Variants in NTNG1 observed in about 807,000 individuals in gnomAD.
The protein encoded by NTNG1 is netrin G1.
Under a neutral mutation model 54.0 loss-of-function variants are expected in NTNG1, and 16 were observed. That is an observed-to-expected ratio of 0.30 (90% CI 0.20 to 0.45). The LOEUF is 0.45. Ranked by LOEUF, NTNG1 falls within the 20% of genes least tolerant of loss-of-function variation. The probability of loss-of-function intolerance (pLI) is 1.00; values close to 1 mark genes in which losing one functional copy is unlikely to be tolerated. For missense variants in NTNG1, 530 were observed against 678.7 expected (o/e 0.78, Z 2.43); for synonymous variants, 255 against 263.1 (o/e 0.97, Z 0.30).
chr1:107,464,927 C>T (rs1571020359), intron 7 of NTNG1, among the ~76,000 whole-genome samples: 1 of 152,170 alleles, frequency 6.6e-6, no homozygotes, highest in Non-Finnish European at 1.5e-5. Flanking sequence ...ATGGGCCCCA[C>T]GTCTCTCCAT....
chr1:107,195,739 A>T (rs1163774701), intron 2 of NTNG1, among the ~76,000 whole-genome samples: 1 of 151,896 alleles, frequency 6.6e-6, no homozygotes, highest in Non-Finnish European at 1.5e-5. Context: ...AGGCCCTTGC[A>T]CTTGCTGATT....
At chr1:107,468,509 G>A (rs1677746899) in intron 7 of NTNG1, among the ~76,000 whole-genome samples, 1 of 152,118 alleles carries the variant, frequency 6.6e-6, no homozygotes, top group Non-Finnish European at 1.5e-5. Flanking sequence ...AGCACTGTAT[G>A]GGGTTGGAAA....
intron 2 of NTNG1, among the ~76,000 whole-genome samples, chr1:107,292,653 G>T (rs1206336580): frequency 1.3e-5 from 2 of 152,066 alleles, no homozygotes; most frequent in African/African-American, 2.4e-5. Context: ...GAGTTTAAAT[G>T]GTATATGACC....
intron 2 of NTNG1, among the ~76,000 whole-genome samples, chr1:107,264,599 T>A (rs1663606396): frequency 6.6e-6 from 1 of 152,254 alleles, no homozygotes; most frequent in African/African-American, 2.4e-5. Context: ...TAGCCATAGC[T>A]CCTTGTGCTT....
chr1:107,198,072 T>C (rs1211317077), intron 2 of NTNG1, among the ~76,000 whole-genome samples: 1 of 152,020 alleles, frequency 6.6e-6, no homozygotes, highest in African/African-American at 2.4e-5. Flanking sequence ...TTTCAATATT[T>C]CAGTAAAATT....
chr1:107,241,952 A>G (rs1427926515), intron 2 of NTNG1, among the ~76,000 whole-genome samples: 2 of 152,184 alleles, frequency 1.3e-5, no homozygotes, highest in African/African-American at 4.8e-5. Flanking sequence ...TTTGATTATG[A>G]AATGTATCAT....
intron 7 of NTNG1, among the ~76,000 whole-genome samples, chr1:107,461,320 G>C (rs1677268840): frequency 6.6e-6 from 1 of 152,170 alleles, no homozygotes; most frequent in African/African-American, 2.4e-5. Context: ...ACCATGGAAA[G>C]TTCTGGAGGA....
At chr1:107,386,758 A>C (rs1451903468) in intron 3 of NTNG1, among the ~76,000 whole-genome samples, 1 of 152,154 alleles carries the variant, frequency 6.6e-6, no homozygotes, top group African/African-American at 2.4e-5. Flanking sequence ...CCTAGATGTA[A>C]AATTTATGGG....
chr1:107,444,965 T>C (rs1054591023), intron 7 of NTNG1, among the ~76,000 whole-genome samples: 1 of 152,000 alleles, frequency 6.6e-6, no homozygotes, highest in Non-Finnish European at 1.5e-5. Context: ...TAAGAAAAAA[T>C]TTCAAAATTT....
intron 3 of NTNG1, among the ~76,000 whole-genome samples, chr1:107,336,065 G>A (rs76962038): frequency 0.015 from 2,327 of 151,760 alleles, 30 homozygotes; most frequent in Non-Finnish European, 0.02. Context: ...GATATTTTCC[G>A]AAATAGAAAA....
At chr1:107,317,949 A>C (rs1667431218) in intron 2 of NTNG1, among the ~76,000 whole-genome samples, 1 of 152,182 alleles carries the variant, frequency 6.6e-6, no homozygotes, top group African/African-American at 2.4e-5. Flanking sequence ...TAGGGTGGCC[A>C]TATTTTCCAA....
intron 7 of NTNG1, among the ~76,000 whole-genome samples, chr1:107,437,989 G>A (rs2101389192): frequency 6.6e-6 from 1 of 152,152 alleles, no homozygotes; most frequent in South Asian, 2.1e-4. Context: ...ATAGAAAACT[G>A]TATATTATTT....
intron 2 of NTNG1, among the ~76,000 whole-genome samples, chr1:107,307,160 T>C (rs1183065394): frequency 6.6e-6 from 1 of 152,252 alleles, no homozygotes; most frequent in Non-Finnish European, 1.5e-5. Context: ...TCCACAAGAA[T>C]AACTTGGGAC....
chr1:107,327,907 T>C (rs1557903177), intron 3 of NTNG1, among the ~76,000 whole-genome samples: 1 of 152,144 alleles, frequency 6.6e-6, no homozygotes, highest in Non-Finnish European at 1.5e-5. Flanking sequence ...ATATGTTTGT[T>C]TTATACTGGC....
intron 2 of NTNG1, among the ~76,000 whole-genome samples, chr1:107,162,490 T>A (rs549661482): frequency 2.0e-5 from 3 of 152,318 alleles, no homozygotes; most frequent in East Asian, 3.8e-4. Context: ...CCTCTTAATG[T>A]CTCATTTTTG....
intron 2 of NTNG1, among the ~76,000 whole-genome samples, chr1:107,280,603 CTTT>C (rs201973865): frequency 4.5e-5 from 6 of 133,878 alleles, no homozygotes; most frequent in Admixed American, 1.5e-4. Context: ...GTTGGCATGG[CTTT>C]TTTTTTTTTT....
intron 2 of NTNG1, among the ~76,000 whole-genome samples, chr1:107,196,797 A>G (rs1355810052): frequency 6.6e-6 from 1 of 152,008 alleles, no homozygotes; most frequent in African/African-American, 2.4e-5. Context: ...GATAAAATAA[A>G]GATAAAAATA....
At chr1:107,412,733 C>T (rs1328972162) in intron 5 of NTNG1, among the ~76,000 whole-genome samples, 1 of 152,078 alleles carries the variant, frequency 6.6e-6, no homozygotes, top group Non-Finnish European at 1.5e-5. Flanking sequence ...ACTGTGACCT[C>T]CCCCTTTCAA....
At chr1:107,337,226 T>A (rs1323715414) in intron 3 of NTNG1, among the ~76,000 whole-genome samples, 1 of 151,972 alleles carries the variant, frequency 6.6e-6, no homozygotes, top group South Asian at 2.1e-4. Context: ...CATCGATGGA[T>A]CAGCGGAAAA....
Sources: allele counts gnomAD v4.1 joint callset (sites outside exome capture counted in the v4.1 genomes callset), GRCh38; gene constraint gnomAD v4.1.1; transcripts MANE v1.5; gene names NCBI Gene and HGNC (gene_info 2026-07-23, HGNC 2026-07-21).